Variants in CADM2 observed in about 807,000 individuals in gnomAD.
CADM2 encodes cell adhesion molecule 2.
In CADM2, 12 loss-of-function variants were observed where a neutral mutation model predicts 49.8. That is an observed-to-expected ratio of 0.24 (90% confidence interval 0.15 to 0.39). CADM2 has a LOEUF of 0.39. Among genes scored for constraint, CADM2 ranks in the 10% least tolerant of loss-of-function variants. CADM2 has a pLI of 1.00. For missense variants in CADM2, 378 were observed against 492.3 expected, an observed-to-expected ratio of 0.77 and a Z score of 2.20; for synonymous variants, 214 against 175.4, an observed-to-expected ratio of 1.22 and a Z score of -1.74.
chr3:86,029,226 T>C (rs1040240322), intron 8 of CADM2, among the ~76,000 whole-genome samples: 3 of 152,156 alleles, frequency 2.0e-5, no homozygotes, highest in Non-Finnish European at 4.4e-5. Context: ...AGGAGTAACA[T>C]GATCATAATT....
chr3:85,849,547 T>C (rs1030763496), intron 3 of CADM2, among the ~76,000 whole-genome samples: 1 of 152,202 alleles, frequency 6.6e-6, no homozygotes, highest in African/African-American at 2.4e-5. Context: ...ACATCGTGAA[T>C]GTAACACAAT....
chr3:85,603,762 A>T (rs1490977035), intron 1 of CADM2, among the ~76,000 whole-genome samples: 1 of 151,974 alleles, frequency 6.6e-6, no homozygotes, highest in Non-Finnish European at 1.5e-5. Flanking sequence ...AGTTCTCTGC[A>T]TATTTTAAAA....
chr3:86,055,131 C>A (rs1183563254), intron 8 of CADM2, among the ~76,000 whole-genome samples: 2 of 152,108 alleles, frequency 1.3e-5, no homozygotes, highest in Non-Finnish European at 2.9e-5. Flanking sequence ...CTAGAAAATG[C>A]AGGCTTGTTG....
At chr3:85,835,667 C>A (rs2074377100) in intron 3 of CADM2, among the ~76,000 whole-genome samples, 1 of 149,642 alleles carries the variant, frequency 6.7e-6, no homozygotes, top group Non-Finnish European at 1.5e-5. Flanking sequence ...CAAAGGGCAT[C>A]TTTGAGACCT....
At chr3:85,105,642 C>T (rs2038191615) in intron 1 of CADM2, among the ~76,000 whole-genome samples, 1 of 152,170 alleles carries the variant, frequency 6.6e-6, no homozygotes, top group African/African-American at 2.4e-5. Flanking sequence ...GACACATGCA[C>T]ACTTATGTTT....
At chr3:85,350,382 T>G (rs904201100) in intron 1 of CADM2, among the ~76,000 whole-genome samples, 13 of 152,164 alleles carry the variant, frequency 8.5e-5, no homozygotes, top group African/African-American at 2.9e-4. Flanking sequence ...CCATGATTTA[T>G]TTTGACATGA....
chr3:85,218,150 C>CT (rs1285821620), intron 1 of CADM2, among the ~76,000 whole-genome samples: 1 of 151,632 alleles, frequency 6.6e-6, no homozygotes, highest in Non-Finnish European at 1.5e-5. Flanking sequence ...AATACAGAGT[C>CT]TTTTTTTAAA....
intron 8 of CADM2, among the ~76,000 whole-genome samples, chr3:86,028,789 T>G (rs1391424142): frequency 1.3e-5 from 2 of 152,162 alleles, no homozygotes. Flanking sequence ...ACTTTCTTAA[T>G]CCTCAGTATT....
intron 1 of CADM2, among the ~76,000 whole-genome samples, chr3:85,415,560 T>C (rs2035882170): frequency 6.6e-6 from 1 of 152,152 alleles, no homozygotes; most frequent in Non-Finnish European, 1.5e-5. Context: ...ATATGGATTC[T>C]TCAGGTACTT....
intron 1 of CADM2, among the ~76,000 whole-genome samples, chr3:85,097,700 T>C (rs2037852980): frequency 6.6e-6 from 1 of 152,198 alleles, no homozygotes; most frequent in South Asian, 2.1e-4. Flanking sequence ...CAAATTTTTC[T>C]CACAATAATG....
At chr3:85,826,049 A>G (rs2073892195) in intron 3 of CADM2, among the ~76,000 whole-genome samples, 1 of 152,114 alleles carries the variant, frequency 6.6e-6, no homozygotes, top group Non-Finnish European at 1.5e-5. Context: ...AAAATAATCT[A>G]GCAAGGAGAT....
At chr3:85,198,887 C>A (rs1441691588) in intron 1 of CADM2, among the ~76,000 whole-genome samples, 1 of 151,760 alleles carries the variant, frequency 6.6e-6, no homozygotes, top group Non-Finnish European at 1.5e-5. Context: ...TAAGTTCTCC[C>A]TTAAATGTAT....
chr3:85,707,465 TA>T (rs1407938603), intron 1 of CADM2, among the ~76,000 whole-genome samples: 1 of 151,268 alleles, frequency 6.6e-6, no homozygotes, highest in Admixed American at 6.6e-5. Flanking sequence ...TTCATAAAGT[TA>T]AAAATTACTA....
At chr3:85,471,035 C>T (rs1052378511) in intron 1 of CADM2, among the ~76,000 whole-genome samples, 1 of 152,080 alleles carries the variant, frequency 6.6e-6, no homozygotes. Flanking sequence ...TCTGTGGATG[C>T]CTGTACCACT....
chr3:85,449,840 C>T (rs1383610850), intron 1 of CADM2, among the ~76,000 whole-genome samples: 4 of 152,132 alleles, frequency 2.6e-5, no homozygotes. Flanking sequence ...CCCATGGTCT[C>T]TCAGTGAGGT....
At chr3:85,853,751 A>G (rs2075198766) in intron 3 of CADM2, among the ~76,000 whole-genome samples, 1 of 152,068 alleles carries the variant, frequency 6.6e-6, no homozygotes. Context: ...AGATCTCTTT[A>G]ATAGAAAATT....
At chr3:85,752,239 G>T (rs558573554) in intron 2 of CADM2, among the ~76,000 whole-genome samples, 1 of 152,212 alleles carries the variant, frequency 6.6e-6, no homozygotes, top group East Asian at 1.9e-4. Context: ...AACCCTGCTG[G>T]GATATGAGAT....
intron 1 of CADM2, among the ~76,000 whole-genome samples, chr3:85,411,472 C>A (rs1015168183): frequency 1.3e-5 from 2 of 152,102 alleles, no homozygotes; most frequent in African/African-American, 4.8e-5. Flanking sequence ...TAAAAATACA[C>A]CCATTTAAAT....
Position 85,537,303 on chromosome 3 carries a change from A to G in CADM2, c.62-189219A>G, listed in dbSNP as rs1013138657. On this transcript the variant is annotated intron_variant, in intron 1 of 9. Transcript: ENST00000383699. ...CAAAATATTCAGGCTATGTAGAAGCATCTACCTTGGCATATATTAGCATTG... is the reference window on the plus strand; with the variant it reads ...CAAAATATTCAGGCTATGTAGAAGCGTCTACCTTGGCATATATTAGCATTG... 1.3e-4 allele frequency among the ~76,000 whole-genome samples: 20 copies of G among 152,146 alleles called. 1 individual carries two copies. The highest frequency in any genetic ancestry group is 4.8e-4 in the African/African-American group (20 of 41,440).
Sources: allele counts gnomAD v4.1 joint callset (sites outside exome capture counted in the v4.1 genomes callset), GRCh38; gene constraint gnomAD v4.1.1; transcripts MANE v1.5; gene names NCBI Gene and HGNC (gene_info 2026-07-23, HGNC 2026-07-21).